The following GPC6 variants were observed in gnomAD, a reference collection of about 807,000 sequenced individuals.
The protein encoded by GPC6 is glypican 6, also known as glypican-6.
A neutral mutation model predicts 55.2 loss-of-function variants in GPC6; 14 were observed. That is an observed-to-expected ratio of 0.25 (90% CI 0.17 to 0.40). GPC6 has a LOEUF of 0.40. Ranked by LOEUF, GPC6 falls within the 10% of genes least tolerant of loss-of-function variation. The pLI, the probability that GPC6 is intolerant of heterozygous loss-of-function variation, is 1.00. For synonymous variants in GPC6, 278 were observed against 259.6 expected, an observed-to-expected ratio of 1.07 and a Z score of -0.68; for missense variants, 641 against 708.5, an observed-to-expected ratio of 0.90 and a Z score of 1.08.
intron 2 of GPC6, among the ~76,000 whole-genome samples, chr13:93,669,448 G>A (rs889831706): frequency 2.0e-5 from 3 of 152,168 alleles, no homozygotes; most frequent in African/African-American, 7.2e-5. Flanking sequence ...AATACAGGAA[G>A]TTGTAAGCCC....
intron 3 of GPC6, among the ~76,000 whole-genome samples, chr13:93,954,802 T>C (rs1408806684): frequency 6.6e-6 from 1 of 152,164 alleles, no homozygotes; most frequent in African/African-American, 2.4e-5. Context: ...TAGACTGATA[T>C]GAAGCTCTCC....
At chr13:93,412,011 AAAAT>A (rs1247257920) in intron 1 of GPC6, among the ~76,000 whole-genome samples, 11 of 151,868 alleles carry the variant, frequency 7.2e-5, no homozygotes, top group African/African-American at 1.2e-4. Context: ...TCAAAAAAAA[AAAAT>A]AAATAAAATA....
At chr13:93,957,838 C>T (rs1253143586) in intron 3 of GPC6, among the ~76,000 whole-genome samples, 1 of 152,156 alleles carries the variant, frequency 6.6e-6, no homozygotes, top group Non-Finnish European at 1.5e-5. Context: ...ACATTCCCAG[C>T]AGCAGTGTAT....
intron 1 of GPC6, among the ~76,000 whole-genome samples, chr13:93,350,241 C>T (rs112729747): frequency 0.074 from 11,178 of 152,080 alleles, 523 homozygotes; most frequent in East Asian, 0.12. Flanking sequence ...TTGAGACAAG[C>T]CTGGCCAATA....
chr13:94,218,312 C>G (rs1251201834), intron 4 of GPC6, among the ~76,000 whole-genome samples: 1 of 152,148 alleles, frequency 6.6e-6, no homozygotes, highest in Admixed American at 6.5e-5. Context: ...TTACTTCATA[C>G]AAACCAAAAT....
intron 6 of GPC6, among the ~76,000 whole-genome samples, chr13:94,351,602 T>G (rs1878545964): frequency 6.6e-6 from 1 of 152,072 alleles, no homozygotes; most frequent in Admixed American, 6.5e-5. Flanking sequence ...TGAGCAGTAA[T>G]CATCCTTTGC....
chr13:94,065,389 G>A (rs1343539921), intron 4 of GPC6, among the ~76,000 whole-genome samples: 1 of 152,174 alleles, frequency 6.6e-6, no homozygotes, highest in Non-Finnish European at 1.5e-5. Context: ...CATAGGCATG[G>A]TTAACTGACC....
intron 4 of GPC6, among the ~76,000 whole-genome samples, chr13:94,215,078 G>A (rs572930719): frequency 9.2e-5 from 14 of 152,204 alleles, no homozygotes; most frequent in South Asian, 6.2e-4. Context: ...ACGTACACAC[G>A]CTCACGCATG....
chr13:93,221,495 C>T, the GPC6 span, among the ~76,000 whole-genome samples: 1 of 152,080 alleles, frequency 6.6e-6, no homozygotes, highest in Non-Finnish European at 1.5e-5. Context: ...TTGGTTTTCC[C>T]CCCAAGAGAT....
chr13:93,223,460 T>C (rs974733929), upstream of GPC6, among the ~76,000 whole-genome samples: 1 of 152,210 alleles, frequency 6.6e-6, no homozygotes, highest in Non-Finnish European at 1.5e-5. Flanking sequence ...TTTGTTTTTT[T>C]TGAGACAGAG....
chr13:94,403,197 C>T lies in GPC6; in HGVS notation c.1648C>T (p.Leu550=). ...SWSLTCIVLA[L]QRLCR ...GTCTCTCACCTGCATTGTCCTGGCA[C>T]TGCAGAGACTGTGCAGATAATCTTG... is the stretch of plus-strand genomic sequence containing the variant. Residue 550 remains leucine, a synonymous_variant, in exon 9 of 9, where the codon CTG becomes TTG. Coordinates refer to ENST00000377047, the MANE Select transcript of GPC6 (RefSeq NM_005708.5). The T allele has an allele frequency of 6.2e-7, 1 of 1,612,442 alleles. No homozygotes were observed. The highest frequency in any genetic ancestry group is 8.5e-7 in the Non-Finnish European group (1 of 1,178,454).
chr13:93,237,029 A>G (rs1320209580), intron 1 of GPC6, among the ~76,000 whole-genome samples: 1 of 152,224 alleles, frequency 6.6e-6, no homozygotes, highest in Non-Finnish European at 1.5e-5. Context: ...TGATAAATAT[A>G]TGAGTGTAGT....
At chr13:93,740,877 A>C (rs1884175748) in intron 2 of GPC6, among the ~76,000 whole-genome samples, 2 of 152,200 alleles carry the variant, frequency 1.3e-5, no homozygotes, top group Non-Finnish European at 2.9e-5. Flanking sequence ...CATTTACTTT[A>C]CGTAGAAAAC....
intron 1 of GPC6, among the ~76,000 whole-genome samples, chr13:93,241,068 A>T (rs1419593891): frequency 1.3e-5 from 2 of 152,138 alleles, no homozygotes; most frequent in Admixed American, 6.5e-5. Context: ...TAGTCTTAGA[A>T]TTATTTCTTT....
At chr13:93,860,708 TG>T (rs745423353) in intron 3 of GPC6, among the ~76,000 whole-genome samples, 1 of 151,752 alleles carries the variant, frequency 6.6e-6, no homozygotes, top group Non-Finnish European at 1.5e-5. Flanking sequence ...CACATTAACT[TG>T]TGTATGTGTT....
intron 4 of GPC6, among the ~76,000 whole-genome samples, chr13:94,259,653 C>T (rs1891601320): frequency 6.6e-6 from 1 of 152,164 alleles, no homozygotes; most frequent in Non-Finnish European, 1.5e-5. Flanking sequence ...AATAATTCCC[C>T]ATTTCCCTGT....
At chr13:93,644,818 C>T (rs1197377720) in intron 2 of GPC6, among the ~76,000 whole-genome samples, 2 of 150,738 alleles carry the variant, frequency 1.3e-5, no homozygotes, top group South Asian at 2.1e-4. Context: ...AAATGGTGGC[C>T]CATAAACTGA....
chr13:94,350,715 T>A (rs971843770), intron 6 of GPC6, among the ~76,000 whole-genome samples: 2 of 152,202 alleles, frequency 1.3e-5, no homozygotes, highest in African/African-American at 4.8e-5. Flanking sequence ...TCTATCCATC[T>A]TCCAGCTGTG....
At chr13:93,765,280 T>G (rs1301767286) in intron 2 of GPC6, among the ~76,000 whole-genome samples, 2 of 101,814 alleles carry the variant, frequency 2.0e-5, no homozygotes, top group African/African-American at 3.1e-5. Context: ...AAGACAACTT[T>G]CCAGATAAGC....
Sources: gnomAD v4.1 joint callset for allele counts (sites outside exome capture counted in the v4.1 genomes callset) on GRCh38, gnomAD v4.1.1 for gene constraint, MANE v1.5 for transcripts, NCBI Gene and HGNC (gene_info 2026-07-23, HGNC 2026-07-21) for gene names.